The following GPC6 variants were observed in gnomAD, a reference collection of about 807,000 sequenced individuals.
GPC6 encodes glypican 6.
GPC6 carries 14 observed loss-of-function variants against 55.2 expected under a neutral mutation model. The ratio of observed to expected loss-of-function variants is 0.25; its 90% CI spans 0.17 to 0.40. The LOEUF (loss-of-function observed/expected upper bound fraction) is 0.40. Ranked by LOEUF, GPC6 falls within the 10% of genes least tolerant of loss-of-function variation. The probability of loss-of-function intolerance (pLI) is 1.00; values close to 1 mark genes in which losing one functional copy is unlikely to be tolerated. For synonymous variants in GPC6, 278 were observed against 259.6 expected (o/e 1.07, Z -0.68); for missense variants, 641 against 708.5 (o/e 0.90, Z 1.08).
chr13:93,608,454 C>T (rs1878334144), intron 2 of GPC6, among the ~76,000 whole-genome samples: 1 of 152,004 alleles, frequency 6.6e-6, no homozygotes, highest in Non-Finnish European at 1.5e-5. Flanking sequence ...GTATTTTAAA[C>T]AATTTATATA....
chr13:94,359,668 T>G (rs992126224), intron 6 of GPC6, among the ~76,000 whole-genome samples: 1 of 152,152 alleles, frequency 6.6e-6, no homozygotes, highest in Admixed American at 6.5e-5. Context: ...AGACCTTTTT[T>G]TTTTTGAAGA....
At position 94,240,449 on chromosome 13, in the gene GPC6, C is replaced by T. The variant is rs189068023; in HGVS notation, c.878-45900C>T. ...TGGAGACACTCAATGGCCTTAAGGTCTAAAGCCGTAAGGATAAAAGGAGTG... is the reference window on the plus strand; with the variant it reads ...TGGAGACACTCAATGGCCTTAAGGTTTAAAGCCGTAAGGATAAAAGGAGTG... On this transcript the variant is annotated intron_variant, in intron 4 of 8. Transcript: ENST00000377047. Among the ~76,000 whole-genome samples the T allele has an allele frequency of 3.7e-3, 564 of 152,144 alleles. 4 individuals carry two copies. Among genetic ancestry groups the T allele is most frequent in the South Asian group, 0.019 (89 of 4,808 alleles).
In GPC6 at chr13:93,842,780, G is replaced by A. The variant is rs929418002; in HGVS notation, c.711+12235G>A. On this transcript the variant is annotated intron_variant, in intron 3 of 8. Coordinates refer to ENST00000377047, the MANE Select transcript of GPC6 (RefSeq NM_005708.5). ...TGGTGGTAAGAAAAATAAGTCACCA[G>A]GATATTTATTTTTTGTTGGTGGTAA... Among the ~76,000 whole-genome samples the A allele has an allele frequency of 2.6e-5, 4 of 151,996 alleles. No homozygotes were observed. The South Asian group carries it at 8.3e-4, about 32-fold the overall frequency.
chr13:94,133,267 C>CAGAA (rs1887065411), intron 4 of GPC6, among the ~76,000 whole-genome samples: 1 of 85,100 alleles, frequency 1.2e-5, no homozygotes, highest in African/African-American at 5.0e-5. Flanking sequence ...TGACCAGTGA[C>CAGAA]AAAAAAAAAA....
chr13:93,554,062 C>T (rs898604435), intron 2 of GPC6, among the ~76,000 whole-genome samples: 15 of 150,932 alleles, frequency 9.9e-5, no homozygotes, highest in African/African-American at 2.9e-4. Context: ...GCACAAGAAT[C>T]GCTTGAACCC....
intron 4 of GPC6, among the ~76,000 whole-genome samples, chr13:94,124,358 C>T (rs1271958769): frequency 6.6e-6 from 1 of 152,102 alleles, no homozygotes; most frequent in African/African-American, 2.4e-5. Flanking sequence ...AAAAGCCCAT[C>T]ATGCACTAAG....
chr13:93,388,971 T>G (rs1208052518), intron 1 of GPC6, among the ~76,000 whole-genome samples: 1 of 152,160 alleles, frequency 6.6e-6, no homozygotes, highest in African/African-American at 2.4e-5. Flanking sequence ...CTTCCTCTTT[T>G]ATTTTAAAGA....
At chr13:94,312,422 T>TA (rs1299471198) in intron 6 of GPC6, among the ~76,000 whole-genome samples, 1 of 152,230 alleles carries the variant, frequency 6.6e-6, no homozygotes, top group Non-Finnish European at 1.5e-5. Flanking sequence ...ATGCTGGTGA[T>TA]AAAAATGTTC....
intron 4 of GPC6, among the ~76,000 whole-genome samples, chr13:94,186,079 A>AAAAAAAAAAAAT: frequency 6.6e-6 from 1 of 151,138 alleles, no homozygotes. Flanking sequence ...AAAAAAAAAA[A>AAAAAAAAAAAAT]AGGTTTTCTT....
rs36113667 is a variant in GPC6, at chr13:93,556,408, G to GTATATA, written c.319+11007_319+11012dup. ...TGTGTGTGTGTGTATGTATGTATATGTATATATATATATATATATATATAT... is the reference window on the plus strand; with the variant it reads ...TGTGTGTGTGTGTATGTATGTATATGTATATATATATATATATATATATATATATAT... On this transcript the variant is annotated intron_variant, in intron 2 of 8. Coordinates refer to ENST00000377047, the MANE Select transcript of GPC6 (RefSeq NM_005708.5). 1.2e-3 allele frequency among the ~76,000 whole-genome samples: 157 copies of GTATATA among 130,930 alleles called. 2 individuals are homozygous for GTATATA. The highest frequency in any genetic ancestry group is 3.2e-3 in the African/African-American group (113 of 35,818). The allele number at this position is 130,930 out of a possible 152,430, so 85.9% of individuals were successfully genotyped here. A position where few individuals can be genotyped will look rare whatever the true frequency, so the allele number is the denominator to read the frequency against.
In GPC6 at chr13:93,963,033, G is replaced by A. The variant is rs576279331; in HGVS notation, c.712-64696G>A. On this transcript the variant is annotated intron_variant, in intron 3 of 8. Transcript: ENST00000377047. ...CTGAAATTTAATGGCATATTTTTATGTGAAGCATACCAGTCTCCTAAGCTG... is the reference window on the plus strand; with the variant it reads ...CTGAAATTTAATGGCATATTTTTATATGAAGCATACCAGTCTCCTAAGCTG... Among the ~76,000 whole-genome samples the A allele has an allele frequency of 6.6e-5, 10 of 152,196 alleles. No homozygotes were observed. In the East Asian group the frequency reaches 1.5e-3, roughly 23 times the overall value.
chr13:93,886,450 G>A (rs1207101184), intron 3 of GPC6, among the ~76,000 whole-genome samples: 1 of 151,856 alleles, frequency 6.6e-6, no homozygotes, highest in Non-Finnish European at 1.5e-5. Context: ...AAGTCTTGCA[G>A]CATAAAAGCC....
chr13:93,274,734 G>A (rs1049435332), intron 1 of GPC6, among the ~76,000 whole-genome samples: 4 of 152,168 alleles, frequency 2.6e-5, no homozygotes, highest in Non-Finnish European at 5.9e-5. Flanking sequence ...ATGGTTTAAT[G>A]TATGAAATAT....
chr13:94,271,250 C>G (rs924649078), intron 4 of GPC6, among the ~76,000 whole-genome samples: 2 of 151,880 alleles, frequency 1.3e-5, no homozygotes, highest in Non-Finnish European at 2.9e-5. Flanking sequence ...CTCGACCTCC[C>G]AAAATGCTGG....
At chr13:93,997,581 A>ATG (rs146601294) in intron 3 of GPC6, among the ~76,000 whole-genome samples, 85,827 of 148,594 alleles carry the variant, frequency 0.58, 25,111 homozygotes, top group Admixed American at 0.7. Flanking sequence ...AAGACATAAT[A>ATG]TGTGTGTGTG....
intron 4 of GPC6, among the ~76,000 whole-genome samples, chr13:94,272,653 A>T (rs1000608840): frequency 8.6e-5 from 13 of 151,474 alleles, no homozygotes; most frequent in African/African-American, 2.4e-4. Flanking sequence ...TATTTTTGGT[A>T]GAGACAGGGT....
chr13:93,545,509 A>G, intron 2 of GPC6, 88 bp downstream of exon 2: 1 of 1,151,324 alleles, frequency 8.7e-7, no homozygotes, highest in South Asian at 1.2e-5. Context: ...TTTTTTAAAA[A>G]GGGAGCTTTT....
At chr13:94,347,905 G>GTA (rs1566704196) in intron 6 of GPC6, among the ~76,000 whole-genome samples, 1 of 152,224 alleles carries the variant, frequency 6.6e-6, no homozygotes, top group Non-Finnish European at 1.5e-5. Flanking sequence ...TCACCAAAGC[G>GTA]GGTGGGTACC....
At chr13:93,897,958 A>G (rs1202542190) in intron 3 of GPC6, among the ~76,000 whole-genome samples, 1 of 152,138 alleles carries the variant, frequency 6.6e-6, no homozygotes, top group Non-Finnish European at 1.5e-5. Context: ...ACTTTAGTAT[A>G]TTTTTCACAA....
Sources: gnomAD v4.1 joint callset for allele counts (sites outside exome capture counted in the v4.1 genomes callset) on GRCh38, gnomAD v4.1.1 for gene constraint, MANE v1.5 for transcripts, NCBI Gene and HGNC (gene_info 2026-07-23, HGNC 2026-07-21) for gene names.